POU2AF1: variants seen among roughly 807,000 people sequenced by gnomAD.
POU2AF1 encodes POU domain class 2-associating factor 1.
A neutral mutation model predicts 26.3 loss-of-function variants in POU2AF1; 12 were observed. The ratio of observed to expected loss-of-function variants is 0.46; its 90% CI spans 0.29 to 0.74. The LOEUF is 0.74. Ranked by LOEUF, POU2AF1 falls within the 30% of genes least tolerant of loss-of-function variation. POU2AF1 has a pLI of 0.09. For synonymous variants in POU2AF1, 175 were observed against 148.0 expected (o/e 1.18, Z -1.32); for missense variants, 297 against 334.5 (o/e 0.89, Z 0.87).
At chr11:111,367,513 A>C in intron 1 of POU2AF1, among the ~76,000 whole-genome samples, 1 of 151,574 alleles carries the variant, frequency 6.6e-6, no homozygotes, top group Non-Finnish European at 1.5e-5. Flanking sequence ...AGTGTCCTCA[A>C]CCAAGCCCAG....
chr11:111,358,539 CAA>C (rs1312368286), intron 2 of POU2AF1, among the ~76,000 whole-genome samples: 4 of 151,514 alleles, frequency 2.6e-5, no homozygotes, highest in Non-Finnish European at 5.9e-5. Context: ...CCATCACACA[CAA>C]ACACATACAC....
chr11:111,378,731 G>A (rs550452687), intron 1 of POU2AF1, among the ~76,000 whole-genome samples: 2 of 152,228 alleles, frequency 1.3e-5, no homozygotes, highest in Admixed American at 1.3e-4. Flanking sequence ...CAGGCCCAGG[G>A]AATTCAACAG....
intron 1 of POU2AF1, chr11:111,363,805 T>C: frequency 1.7e-5 from 17 of 984,488 alleles, no homozygotes; most frequent in Non-Finnish European, 1.9e-5. Context: ...TCCAAGTAGT[T>C]CACCCTCAAA....
chr11:111,377,705 A>G (rs556376969), intron 1 of POU2AF1: 179 of 175,728 alleles, frequency 1.0e-3, no homozygotes, highest in Non-Finnish European at 1.9e-3. Flanking sequence ...ACAAAAATCA[A>G]ATGATTCAGC....
intron 1 of POU2AF1, among the ~76,000 whole-genome samples, chr11:111,370,111 T>C (rs772853412): frequency 2.6e-5 from 4 of 152,196 alleles, no homozygotes; most frequent in Non-Finnish European, 5.9e-5. Context: ...CATGGTGGCC[T>C]GGGGTGTAGC....
chr11:111,367,422 C>G (rs1861125860), intron 1 of POU2AF1, among the ~76,000 whole-genome samples: 1 of 152,144 alleles, frequency 6.6e-6, no homozygotes, highest in Non-Finnish European at 1.5e-5. Flanking sequence ...TATTCCTCTT[C>G]CGCTCCCTTC....
chr11:111,363,531 G>A (rs762213773), intron 1 of POU2AF1: 3 of 975,982 alleles, frequency 3.1e-6, no homozygotes, highest in South Asian at 4.8e-5. Context: ...TACAAATTTG[G>A]GAGAGGAAAA....
intron 1 of POU2AF1, among the ~76,000 whole-genome samples, chr11:111,375,390 C>CTTTTTTTTTTTTT (rs869115956): frequency 6.3e-5 from 5 of 79,500 alleles, no homozygotes; most frequent in East Asian, 4.3e-4. Context: ...TACTGAGTAT[C>CTTTTTTTTTTTTT]TTTTTTTTTT....
intron 1 of POU2AF1, among the ~76,000 whole-genome samples, chr11:111,375,690 C>A (rs1861298506): frequency 6.6e-6 from 1 of 152,194 alleles, no homozygotes; most frequent in South Asian, 2.1e-4. Context: ...CCCGCCACCG[C>A]ACCCGGCCTG....
rs1860777676 is a variant in POU2AF1 at position 111,353,532 on chromosome 11, T to A, written c.*729A>T. The A allele has an allele frequency of 4.3e-6, 1 of 233,402 alleles. No homozygotes were observed. The highest frequency in any genetic ancestry group is 5.6e-5 in the Admixed American group (1 of 17,772). 14.5% of individuals were successfully genotyped at this position (233,402 alleles called of 1,614,324 possible). A position where few individuals can be genotyped will look rare whatever the true frequency, so the allele number is the denominator to read the frequency against. ...GGCCTTGAGATTTTGCTGCCTGGACTGTAAATCTGGCCGAGGCTGAGAAGA... is the reference window on the plus strand; with the variant it reads ...GGCCTTGAGATTTTGCTGCCTGGACAGTAAATCTGGCCGAGGCTGAGAAGA... On this transcript the variant is annotated 3_prime_UTR_variant, in exon 5 of 5. Coordinates refer to ENST00000393067, the MANE Select transcript of POU2AF1 (RefSeq NM_006235.3).
At chr11:111,358,607 C>G (rs1277859145) in intron 2 of POU2AF1, among the ~76,000 whole-genome samples, 181 bp downstream of exon 2, 6 of 147,086 alleles carry the variant, frequency 4.1e-5, no homozygotes, top group African/African-American at 1.5e-4. Context: ...TACACTCTCA[C>G]ACACTGACGC....
Position 111,354,555 on chromosome 11 carries a change from G to A in POU2AF1, c.477C>T (p.Pro159=), listed in dbSNP as rs576544921. ...GGCCCTCCAGCGGGGGCCCCACTGC[G>A]GGCGTGGCGGAGCTTCTTGTCTGTG... ...TNVTTRSSAT[P]AVGPPLEGPE... The change falls in exon 5 of 5, where the codon CCC becomes CCT. Residue 159 remains proline (P), a synonymous_variant. Coordinates refer to ENST00000393067, the MANE Select transcript of POU2AF1 (RefSeq NM_006235.3). 9.5e-5 allele frequency: 146 copies of A among 1,534,562 alleles called. No individual in the cohort carries two copies. The highest frequency in any genetic ancestry group is 3.7e-4 in the Middle Eastern group (2 of 5,472).
chr11:111,369,526 C>G (rs558041353), intron 1 of POU2AF1, among the ~76,000 whole-genome samples: 2 of 152,138 alleles, frequency 1.3e-5, no homozygotes, highest in Admixed American at 1.3e-4. Flanking sequence ...GAGCACATAT[C>G]GCATATGGAA....
chr11:111,365,676 T>C (rs967923369), intron 1 of POU2AF1, among the ~76,000 whole-genome samples: 1 of 152,190 alleles, frequency 6.6e-6, no homozygotes, highest in Admixed American at 6.5e-5. Flanking sequence ...TTCACTTTCG[T>C]ATAAAGAATT....
chr11:111,370,803 A>G (rs1487689216), intron 1 of POU2AF1, among the ~76,000 whole-genome samples: 1 of 152,210 alleles, frequency 6.6e-6, no homozygotes, highest in African/African-American at 2.4e-5. Context: ...ATTACCATCT[A>G]TTCTTCAGGA....
chr11:111,371,658 T>G (rs1565366644), intron 1 of POU2AF1, among the ~76,000 whole-genome samples: 1 of 152,150 alleles, frequency 6.6e-6, no homozygotes, highest in Admixed American at 6.5e-5. Context: ...AATCTAAAAT[T>G]AGCCGGCATA....
At chr11:111,362,830 T>A (rs1861036380) in intron 1 of POU2AF1, 1 of 152,302 alleles carries the variant, frequency 6.6e-6, no homozygotes, top group African/African-American at 2.4e-5. Context: ...CTCAATCCCA[T>A]ATGCACATAT....
At chr11:111,364,029 T>A in intron 1 of POU2AF1, 1 of 979,150 alleles carries the variant, frequency 1.0e-6, no homozygotes, top group East Asian at 1.1e-4. Context: ...GGAAAAAAAA[T>A]CATTTACAGA....
At chr11:111,377,609 T>C (rs1861333962) in intron 1 of POU2AF1, among the ~76,000 whole-genome samples, 3 of 152,040 alleles carry the variant, frequency 2.0e-5, no homozygotes, top group Admixed American at 1.3e-4. Context: ...CCACTTAACA[T>C]ACAAAAAACC....
Sources: allele counts gnomAD v4.1 joint callset (sites outside exome capture counted in the v4.1 genomes callset), GRCh38; gene constraint gnomAD v4.1.1; transcripts MANE v1.5; gene names NCBI Gene and HGNC (gene_info 2026-07-23, HGNC 2026-07-21).